NID2: variants seen among roughly 807,000 people sequenced by gnomAD.
NID2 encodes nidogen 2, also known as nidogen-2.
NID2 carries 83 observed loss-of-function variants against 145.4 expected under a neutral mutation model. The observed-to-expected ratio is 0.57, with a 90% CI of 0.48 to 0.69. The LOEUF (loss-of-function observed/expected upper bound fraction) is 0.69. Among genes scored for constraint, NID2 ranks in the 30% least tolerant of loss-of-function variants. NID2 has a pLI of 0.00. For missense variants in NID2, 1,807 were observed against 1,765.7 expected, an observed-to-expected ratio of 1.02 and a Z score of -0.42; for synonymous variants, 739 against 701.3, an observed-to-expected ratio of 1.05 and a Z score of -0.85.
intron 19 of NID2, 52 bp downstream of exon 19, chr14:52,007,758 C>T (rs748912733): frequency 2.8e-5 from 41 of 1,474,536 alleles, no homozygotes; most frequent in Non-Finnish European, 3.8e-5. Flanking sequence ...TGTTAGTGCT[C>T]ACATTCACTG....
At position 52,027,337 on chromosome 14, in the gene NID2, G is replaced by A. The variant is rs1209932655; in HGVS notation, c.2538C>T (p.Thr846=). The A allele has an allele frequency of 3.8e-6, 6 of 1,563,226 alleles. No individual in the cohort carries two copies. The highest frequency in any genetic ancestry group is 1.7e-4 in the Middle Eastern group (1 of 5,888). The change falls in exon 12 of 22, where the codon ACC becomes ACT. Residue 846 remains threonine, a synonymous_variant. Coordinates refer to ENST00000216286, the MANE Select transcript of NID2 (RefSeq NM_007361.4). ...CATCCTCACAGGGGTTGGCAGGTGG[G>A]GTGATCACTGAAAAGAGAAGAAGAT... The part of the protein sequence containing the change: ...ADDRHTCILI[T]PPANPCEDGS...
intron 4 of NID2, 35 bp downstream of exon 4, chr14:52,053,985 G>A (rs747112793): frequency 2.5e-6 from 4 of 1,611,310 alleles, no homozygotes; most frequent in Admixed American, 3.3e-5. Flanking sequence ...GATGCAAGGG[G>A]GAGGACAGAT....
intron 8 of NID2, among the ~76,000 whole-genome samples, chr14:52,040,038 T>C (rs1209378717): frequency 6.6e-6 from 1 of 152,190 alleles, no homozygotes; most frequent in Admixed American, 6.5e-5. Context: ...CTTCCCAGGT[T>C]CAGATGATTC....
intron 3 of NID2, among the ~76,000 whole-genome samples, chr14:52,059,262 C>G (rs1892950856): frequency 6.6e-6 from 1 of 152,154 alleles, no homozygotes; most frequent in Non-Finnish European, 1.5e-5. Flanking sequence ...CTATAGTGGT[C>G]TCTTTCTGGT....
Position 52,069,002 on chromosome 14 carries a change from C to A in NID2, c.-8G>T. 1 of 1,598,304 alleles carries A rather than the reference C, an allele frequency of 6.3e-7. No homozygotes were observed. The highest frequency in any genetic ancestry group is 1.1e-5 in the South Asian group (1 of 90,462). ...CACCCGGTCCCCCTCCATGCTCGCT[C>A]GGCCGTGCGCTTACCCGCTGCACAA... On this transcript the variant is annotated 5_prime_UTR_variant, in exon 1 of 22. Transcript: ENST00000216286.
Position 52,019,132 on chromosome 14 carries a change from G to A in NID2, c.2957C>T (p.Pro986Leu). 6.2e-7 allele frequency: 1 copy of A among 1,614,158 alleles called. No homozygotes were observed. The highest frequency in any genetic ancestry group is 8.5e-7 in the Non-Finnish European group (1 of 1,180,040). The change falls in exon 14 of 22, where the codon CCT becomes CTT. Residue 986 changes from proline (P) to leucine (L), a missense_variant. Physicochemically the swap from Pro to Leu is moderately conservative, Grantham distance 98. Transcript: ENST00000216286. ...GGTACCAGGAACTTCATGACCATCA[G>A]GGTCCACGCACCAGCAGAAACCAGT... is the stretch of plus-strand genomic sequence containing the variant. ...GSTGFCWCVD[P>L]DGHEVPGTQT... is the part of the protein sequence containing the mutation.
Position 52,038,284 on chromosome 14 carries a change from T to C in NID2, c.2257+463A>G, listed in dbSNP as rs1310822025. Reference sequence around the variant, plus strand: ...TATGATGTTTGGTTTTTCCAGATACTAGCTCTTTGCTCCACCTTAGTTTTG... The same window carrying C: ...TATGATGTTTGGTTTTTCCAGATACCAGCTCTTTGCTCCACCTTAGTTTTG... On this transcript the variant is annotated intron_variant, in intron 9 of 21. Coordinates refer to ENST00000216286, the MANE Select transcript of NID2 (RefSeq NM_007361.4). 2.0e-5 allele frequency among the ~76,000 whole-genome samples: 3 copies of C among 152,214 alleles called. No homozygotes were observed. In the East Asian group the frequency reaches 5.8e-4, roughly 29 times the overall value.
At chr14:52,028,571 G>C (rs777137072) in intron 11 of NID2, 151 bp downstream of exon 11, 3 of 855,872 alleles carry the variant, frequency 3.5e-6, no homozygotes, top group African/African-American at 1.7e-5. Context: ...ACCACATCCA[G>C]CCAGCTTTGG....
chr14:52,011,564 G>A lies in NID2; in HGVS notation c.3540C>T (p.Ile1180=), dbSNP rs148095141. 89 of 1,614,178 alleles carry A rather than the reference G, an allele frequency of 5.5e-5. 1 individual carries two copies. In the African/African-American group the frequency reaches 6.1e-4, roughly 11 times the overall value. ...GLELGAEPET[I]VNSGLISPEG... is the part of the protein sequence containing the mutation. ...AGTGAAGCTGCTGACCTGAATTCAC[G>A]ATCGTCTCAGGCTCTGCTCCCAGTT... The change falls in exon 17 of 22, where the codon ATC becomes ATT. Residue 1180 remains isoleucine, a synonymous_variant. Transcript: ENST00000216286.
intron 2 of NID2, among the ~76,000 whole-genome samples, chr14:52,066,062 A>C (rs1197918028): frequency 6.6e-6 from 1 of 152,116 alleles, no homozygotes; most frequent in African/African-American, 2.4e-5. Flanking sequence ...TAGTTTTCTT[A>C]ATGAAACATT....
At chr14:52,017,635 A>G (rs1891260613) in intron 14 of NID2, among the ~76,000 whole-genome samples, 1 of 151,922 alleles carries the variant, frequency 6.6e-6, no homozygotes, top group South Asian at 2.1e-4. Flanking sequence ...CAACCATTTG[A>G]TTTCTTCAAA....
At chr14:52,028,277 T>TC (rs1891662811) in intron 11 of NID2, among the ~76,000 whole-genome samples, 1 of 29,244 alleles carries the variant, frequency 3.4e-5, no homozygotes, top group East Asian at 2.8e-3. Flanking sequence ...TTTGTTGTTT[T>TC]TTTTTTTGTT....
In NID2 at chr14:52,027,192, G is replaced by T; in HGVS notation, c.2674+9C>A. ...TTCCAGTCATTGAGGCTGACCTGCA[G>T]TTACTCACCAGTGCACTGGTGCCCA... On this transcript the variant is annotated intron_variant, in intron 12 of 21. Transcript: ENST00000216286. 1 of 1,489,184 alleles carries T rather than the reference G, an allele frequency of 6.7e-7. No homozygotes were observed. Among genetic ancestry groups the T allele is most frequent in the Non-Finnish European group, 9.0e-7 (1 of 1,116,006 alleles). The allele number at this position is 1,489,184 out of a possible 1,614,324, so 92.2% of individuals were successfully genotyped here. A position where few individuals can be genotyped will look rare whatever the true frequency, so the allele number is the denominator to read the frequency against.
chr14:52,027,777 AC>A (rs1891645319), intron 11 of NID2, among the ~76,000 whole-genome samples: 1 of 147,646 alleles, frequency 6.8e-6, no homozygotes, highest in Admixed American at 6.8e-5. Flanking sequence ...AGGCTGGAGT[AC>A]AGTGGCGTGA....
In NID2 at chr14:52,005,204, T is replaced by G; in HGVS notation, c.*282A>C. 3.2e-6 allele frequency: 1 copy of G among 310,736 alleles called. No individual in the cohort carries two copies. Among genetic ancestry groups the G allele is most frequent in the Non-Finnish European group, 5.9e-6 (1 of 170,370 alleles). 19.2% of individuals were successfully genotyped at this position (310,736 alleles called of 1,614,324 possible). ...TTGAATGAATTTGATCTTTTAAATA[T>G]TAATGATAAATGTTTACAAGAAGTT... On this transcript the variant is annotated 3_prime_UTR_variant, in exon 22 of 22. Coordinates refer to ENST00000216286, the MANE Select transcript of NID2 (RefSeq NM_007361.4).
At chr14:52,008,645 A>G (rs1383503247) in intron 18 of NID2, 1 of 152,180 alleles carries the variant, frequency 6.6e-6, no homozygotes, top group Admixed American at 6.5e-5. Context: ...CCTGCCTCCA[A>G]GATACCCCTT....
chr14:52,015,200 C>T lies in NID2; in HGVS notation c.3104G>A (p.Arg1035Gln), dbSNP rs749092514. 6.2e-7 allele frequency: 1 copy of T among 1,613,916 alleles called. No homozygotes were observed. Among genetic ancestry groups the T allele is most frequent in the Non-Finnish European group, 8.5e-7 (1 of 1,179,940 alleles). Residue 1035 changes from arginine to glutamine, a missense_variant, in exon 15 of 22, where the codon CGG becomes CAG. Physicochemically the swap from Arg to Gln is conservative, Grantham distance 43. Transcript: ENST00000216286. ...GCACTGGGGCACGTACTGGTCATCC[C>T]GGGGGGTGCCACCGTAGTGCTCCAG... is the stretch of plus-strand genomic sequence containing the variant. ...NLLEHYGGTP[R>Q]DDQYVPQCDD...
intron 19 of NID2, chr14:52,006,936 A>ACCTT (rs961903623): frequency 4.1e-6 from 1 of 245,198 alleles, no homozygotes; most frequent in African/African-American, 2.2e-5. Flanking sequence ...TTATTTTTAT[A>ACCTT]ATTTGTGTGA....
chr14:52,036,675 C>T (rs1892084608), intron 9 of NID2, among the ~76,000 whole-genome samples: 1 of 152,140 alleles, frequency 6.6e-6, no homozygotes, highest in Admixed American at 6.5e-5. Flanking sequence ...CTTGTTATTA[C>T]CCGTTTTTTG....
Sources: gnomAD v4.1 joint callset for allele counts (sites outside exome capture counted in the v4.1 genomes callset) on GRCh38, gnomAD v4.1.1 for gene constraint, MANE v1.5 for transcripts, NCBI Gene and HGNC (gene_info 2026-07-23, HGNC 2026-07-21) for gene names.